ANGPT2: variants seen among roughly 807,000 people sequenced by gnomAD.
The protein encoded by ANGPT2 is angiopoietin-2.
In ANGPT2, 28 loss-of-function variants were observed where a neutral mutation model predicts 62.9. The observed-to-expected ratio is 0.44, with a 90% CI of 0.33 to 0.61. The LOEUF is 0.61. Ranked by LOEUF, ANGPT2 falls within the 20% of genes least tolerant of loss-of-function variation. ANGPT2 has a pLI of 0.03. For missense variants in ANGPT2, 727 were observed against 594.9 expected, an observed-to-expected ratio of 1.22 and a Z score of -2.31; for synonymous variants, 284 against 207.8, an observed-to-expected ratio of 1.37 and a Z score of -3.15.
chr8:6,532,923 C>T (rs1236865183), intron 1 of ANGPT2, among the ~76,000 whole-genome samples: 1 of 152,232 alleles, frequency 6.6e-6, no homozygotes, highest in Non-Finnish European at 1.5e-5. Context: ...ACATTCTAGA[C>T]TTTTGGTTTC....
chr8:6,510,248 G>A (rs1306124108), intron 7 of ANGPT2, among the ~76,000 whole-genome samples: 2 of 151,976 alleles, frequency 1.3e-5, no homozygotes, highest in Non-Finnish European at 2.9e-5. Flanking sequence ...ATCAGAGCAG[G>A]CATTCACGTA....
chr8:6,505,338 G>C (rs1435480123), intron 8 of ANGPT2, among the ~76,000 whole-genome samples: 45 of 32,912 alleles, frequency 1.4e-3, no homozygotes, highest in Middle Eastern at 0.067. Context: ...CATATAGAAA[G>C]AATATATATA....
intron 5 of ANGPT2, among the ~76,000 whole-genome samples, chr8:6,517,024 G>A (rs879323054): frequency 1.3e-5 from 2 of 152,142 alleles, no homozygotes; most frequent in Non-Finnish European, 2.9e-5. Flanking sequence ...AAGAACAGAG[G>A]ATTTGTAAAA....
At chr8:6,538,241 A>C (rs1234023757) in intron 1 of ANGPT2, among the ~76,000 whole-genome samples, 2 of 152,094 alleles carry the variant, frequency 1.3e-5, no homozygotes, top group Non-Finnish European at 2.9e-5. Context: ...GCCCACTTCT[A>C]TTTAGAAATA....
At position 6,553,665 on chromosome 8, in the gene ANGPT2, A is replaced by AT. The variant is rs752171739; in HGVS notation, c.288+8981dup. On this transcript the variant is annotated intron_variant, in intron 1 of 8. Coordinates refer to ENST00000629816, the MANE Select transcript of ANGPT2 (RefSeq NM_001118887.2). ...ACAAAATCCCTGAAATGGTCTCAAA[A>AT]TTTTTTTTTTTTTTTTTACCTCTCC... Among the ~76,000 whole-genome samples the AT allele has an allele frequency of 4.1e-3, 590 of 142,944 alleles. 3 individuals are homozygous for AT. Among genetic ancestry groups the AT allele is most frequent in the African/African-American group, 0.011 (441 of 39,218 alleles). 93.8% of individuals were successfully genotyped at this position (142,944 alleles called of 152,430 possible).
At chr8:6,503,679 A>C (rs553465236) in intron 8 of ANGPT2, among the ~76,000 whole-genome samples, 1 of 152,212 alleles carries the variant, frequency 6.6e-6, no homozygotes, top group Non-Finnish European at 1.5e-5. Flanking sequence ...CCCTTGCTCT[A>C]TTAAATGATT....
chr8:6,562,187 C>A (rs1825638223), intron 1 of ANGPT2, among the ~76,000 whole-genome samples: 1 of 152,152 alleles, frequency 6.6e-6, no homozygotes, highest in South Asian at 2.1e-4. Flanking sequence ...TTACTCCATC[C>A]GTTATGCCTC....
At chr8:6,546,270 C>T (rs984953712) in intron 1 of ANGPT2, among the ~76,000 whole-genome samples, 3 of 152,218 alleles carry the variant, frequency 2.0e-5, no homozygotes, top group Non-Finnish European at 4.4e-5. Context: ...GGCAACCCAG[C>T]AGTGTTCAAT....
chr8:6,562,956 G>A lies in ANGPT2; in HGVS notation c.-22C>T. The A allele has an allele frequency of 6.4e-7, 1 of 1,558,766 alleles. No homozygotes were observed. On this transcript the variant is annotated 5_prime_UTR_variant, in exon 1 of 9. Coordinates refer to ENST00000629816, the MANE Select transcript of ANGPT2 (RefSeq NM_001118887.2). The stretch of plus-strand genomic sequence containing the variant: ...ACATTCTTTCTTCAGTAATAAACCA[G>A]CAGCTTAGCAAACTTGAGGGCAAAC...
chr8:6,513,477 C>T (rs1225470914), intron 7 of ANGPT2, among the ~76,000 whole-genome samples: 2 of 151,854 alleles, frequency 1.3e-5, no homozygotes, highest in Non-Finnish European at 1.5e-5. Context: ...GGACTACAGG[C>T]GCCCACCACC....
At chr8:6,510,237 G>A (rs1333445143) in intron 7 of ANGPT2, among the ~76,000 whole-genome samples, 1 of 151,720 alleles carries the variant, frequency 6.6e-6, no homozygotes, top group African/African-American at 2.4e-5. Flanking sequence ...GTTCAGGACA[G>A]ATCAGAGCAG....
intron 7 of ANGPT2, among the ~76,000 whole-genome samples, chr8:6,512,052 A>G (rs1202288031): frequency 6.6e-6 from 1 of 152,020 alleles, no homozygotes; most frequent in Non-Finnish European, 1.5e-5. Context: ...AACTGCTGTG[A>G]GGCCCAAACA....
intron 6 of ANGPT2, 97 bp from the exon 7 acceptor site, chr8:6,513,941 A>G: frequency 8.5e-7 from 1 of 1,170,148 alleles, no homozygotes; most frequent in South Asian, 1.7e-5. Context: ...ATAACTATCA[A>G]ATAGCAGAAA....
intron 1 of ANGPT2, among the ~76,000 whole-genome samples, chr8:6,538,615 G>A (rs1563089692): frequency 6.6e-6 from 1 of 152,140 alleles, no homozygotes; most frequent in Non-Finnish European, 1.5e-5. Context: ...TCCTCCTTGA[G>A]TCTTCTCTTC....
chr8:6,500,744 C>G lies in ANGPT2; in HGVS notation c.*2357G>C, dbSNP rs897337393. 2.0e-5 allele frequency: 3 copies of G among 152,184 alleles called. No individual in the cohort carries two copies. The highest frequency in any genetic ancestry group is 7.2e-5 in the African/African-American group (3 of 41,456). 9.4% of individuals were successfully genotyped at this position (152,184 alleles called of 1,614,324 possible). ...GAGACAAAAGCTCCTCTCAGCAAAA[C>G]TGTTTGTTTGAAATACCGTGTAAGG... is the stretch of plus-strand genomic sequence containing the variant. On this transcript the variant is annotated 3_prime_UTR_variant, in exon 9 of 9. Coordinates refer to ENST00000629816, the MANE Select transcript of ANGPT2 (RefSeq NM_001118887.2).
Position 6,510,158 on chromosome 8 carries a change from CTTTTTT to C in ANGPT2, c.1197-1102_1197-1097del, listed in dbSNP as rs11395431. On this transcript the variant is annotated intron_variant, in intron 7 of 8. Transcript: ENST00000629816. ...GACAATATTTTTGAGGTTGTTTTTT[CTTTTTT>C]TTTTTTTATTTTCCATAACTATGCT... Among the ~76,000 whole-genome samples the C allele has an allele frequency of 1.2e-3, 180 of 146,656 alleles. 1 individual carries two copies. Among genetic ancestry groups the C allele is most frequent in the Admixed American group, 3.8e-3 (56 of 14,678 alleles).
rs764203431 is a variant in ANGPT2 at position 6,562,722 on chromosome 8, G to T, written c.213C>A (p.Leu71=). The T allele has an allele frequency of 1.7e-5, 28 of 1,613,318 alleles. No individual in the cohort carries two copies. Among genetic ancestry groups the T allele is most frequent in the Admixed American group, 1.0e-4 (6 of 59,948 alleles). Residue 71 remains leucine, a synonymous_variant, in exon 1 of 9, where the codon CTC becomes CTA. Coordinates refer to ENST00000629816, the MANE Select transcript of ANGPT2 (RefSeq NM_001118887.2). ...GCCTCTGCACCGAGTCATCGTATTC[G>T]AGCGGCGCGTCCCTCTGCACAGCAT... ...VSNAVQRDAP[L]EYDDSVQRLQ... is the part of the protein sequence containing the mutation.
intron 1 of ANGPT2, among the ~76,000 whole-genome samples, chr8:6,544,336 T>C (rs1307293585): frequency 6.6e-6 from 1 of 152,122 alleles, no homozygotes; most frequent in African/African-American, 2.4e-5. Context: ...CTGTGTTCCG[T>C]GATGATTATA....
At chr8:6,516,403 T>C (rs1029304600) in intron 5 of ANGPT2, among the ~76,000 whole-genome samples, 1 of 152,220 alleles carries the variant, frequency 6.6e-6, no homozygotes, top group Non-Finnish European at 1.5e-5. Context: ...TTCTAAGTGA[T>C]ATATAGGATT....
Sources: gnomAD v4.1 joint callset for allele counts (sites outside exome capture counted in the v4.1 genomes callset) on GRCh38, gnomAD v4.1.1 for gene constraint, MANE v1.5 for transcripts, NCBI Gene and HGNC (gene_info 2026-07-23, HGNC 2026-07-21) for gene names.